The following KANK1 variants were observed in gnomAD, a reference collection of about 807,000 sequenced individuals.
KANK1 encodes KN motif and ankyrin repeat domains 1, also known as KN motif and ankyrin repeat domain-containing protein 1.
KANK1 carries 109 observed loss-of-function variants against 106.2 expected under a neutral mutation model. That is an observed-to-expected ratio of 1.03 (90% CI 0.88 to 1.20). The LOEUF (loss-of-function observed/expected upper bound fraction) is 1.20, where lower values mean the gene tolerates loss of function less well. Among genes scored for constraint, KANK1 ranks in the 50% most tolerant of loss-of-function variants. KANK1 has a pLI of 0.00. For synonymous variants in KANK1, 873 were observed against 652.2 expected (o/e 1.34, Z -5.16); for missense variants, 2,399 against 1,710.7 (o/e 1.40, Z -7.10).
At chr9:640,189 A>G (rs1838082998) in intron 1 of KANK1, among the ~76,000 whole-genome samples, 1 of 152,170 alleles carries the variant, frequency 6.6e-6, no homozygotes, top group South Asian at 2.1e-4. Context: ...CTGCTCAGGC[A>G]GGGGTAGTCC....
intron 1 of KANK1, among the ~76,000 whole-genome samples, chr9:543,679 T>G (rs1479804345): frequency 6.6e-6 from 1 of 152,076 alleles, no homozygotes; most frequent in Non-Finnish European, 1.5e-5. Flanking sequence ...CACCAGAAAA[T>G]GACCATTGTG....
At chr9:517,805 C>G (rs1274764619) in intron 1 of KANK1, among the ~76,000 whole-genome samples, 2 of 146,160 alleles carry the variant, frequency 1.4e-5, no homozygotes, top group Non-Finnish European at 3.0e-5. Context: ...GTGGCGTGAT[C>G]TCGGCTCACT....
chr9:510,504 C>G (rs1213818407), intron 1 of KANK1, among the ~76,000 whole-genome samples: 3 of 152,116 alleles, frequency 2.0e-5, no homozygotes, highest in South Asian at 2.1e-4. Flanking sequence ...GCTGCTTCCC[C>G]CAAAAGTAAG....
chr9:530,593 A>G (rs1036450277), intron 1 of KANK1, among the ~76,000 whole-genome samples: 1 of 152,212 alleles, frequency 6.6e-6, no homozygotes, highest in Non-Finnish European at 1.5e-5. Flanking sequence ...TAGTTGTGAC[A>G]CTATTCTAAT....
intron 1 of KANK1, among the ~76,000 whole-genome samples, chr9:507,341 C>T (rs1159500868): frequency 1.3e-5 from 2 of 151,942 alleles, no homozygotes; most frequent in African/African-American, 4.8e-5. Context: ...GATGACCGAG[C>T]AATATCCTCT....
chr9:589,483 A>C (rs192734699), intron 1 of KANK1, among the ~76,000 whole-genome samples: 2 of 152,020 alleles, frequency 1.3e-5, no homozygotes, highest in Non-Finnish European at 2.9e-5. Context: ...GGAAACTTAG[A>C]TATACTAAAA....
intron 1 of KANK1, among the ~76,000 whole-genome samples, chr9:557,057 C>G (rs139960642): frequency 3.9e-4 from 59 of 152,088 alleles, no homozygotes; most frequent in Non-Finnish European, 6.8e-4. Flanking sequence ...GTGGCTCATG[C>G]CTGCAATCCT....
intron 1 of KANK1, among the ~76,000 whole-genome samples, chr9:510,579 C>T (rs1194794952): frequency 6.6e-6 from 1 of 152,216 alleles, no homozygotes; most frequent in Non-Finnish European, 1.5e-5. Flanking sequence ...TAAAGAGACA[C>T]TGAGCCTTCT....
At chr9:529,061 A>C (rs1587538420) in intron 1 of KANK1, among the ~76,000 whole-genome samples, 1 of 152,112 alleles carries the variant, frequency 6.6e-6, no homozygotes, top group East Asian at 1.9e-4. Context: ...GGCCTCCCAG[A>C]GTGCTGGGGT....
intron 1 of KANK1, among the ~76,000 whole-genome samples, chr9:572,994 G>T (rs1819602392): frequency 1.3e-5 from 2 of 152,138 alleles, no homozygotes; most frequent in South Asian, 4.1e-4. Flanking sequence ...TTAACCAAAA[G>T]TTCTCTTTTC....
At chr9:654,139 C>G (rs6477083) in intron 1 of KANK1, among the ~76,000 whole-genome samples, 58,628 of 151,756 alleles carry the variant, frequency 0.39, 14,670 homozygotes, top group African/African-American at 0.68. Context: ...AAAATGACCA[C>G]ATGCAGCAGT....
intron 1 of KANK1, among the ~76,000 whole-genome samples, chr9:657,387 C>T (rs1004767537): frequency 1.2e-4 from 17 of 145,686 alleles, no homozygotes; most frequent in African/African-American, 4.1e-4. Context: ...GGGCATATAC[C>T]CAGAAGTAGG....
At chr9:640,324 C>T (rs1260139723) in intron 1 of KANK1, among the ~76,000 whole-genome samples, 2 of 151,322 alleles carry the variant, frequency 1.3e-5, no homozygotes, top group Non-Finnish European at 3.0e-5. Context: ...CAGCCTCCAC[C>T]TCCTGGGTTC....
chr9:712,476 T>G lies in KANK1; in HGVS notation c.1710T>G (p.Ile570Met), dbSNP rs2130950439. 6.2e-7 allele frequency: 1 copy of G among 1,614,068 alleles called. No individual in the cohort carries two copies. ...VGPELPMNWW[I>M]VKERVEMHDR... The stretch of plus-strand genomic sequence containing the variant: ...CTGAGCTGCCTATGAATTGGTGGAT[T>G]GTTAAGGAGAGGGTGGAAATGCATG... The change falls in exon 3 of 12, where the codon ATT (isoleucine) becomes ATG (methionine). Residue 570 changes from isoleucine (I) to methionine (M), a missense_variant. Coordinates refer to ENST00000382297, the MANE Select transcript of KANK1 (RefSeq NM_015158.5).
chr9:506,056 A>G (rs1459764187), intron 1 of KANK1, among the ~76,000 whole-genome samples: 1 of 152,240 alleles, frequency 6.6e-6, no homozygotes, highest in Non-Finnish European at 1.5e-5. Flanking sequence ...TTCTAAGGTC[A>G]AAATTCAGTG....
intron 1 of KANK1, among the ~76,000 whole-genome samples, chr9:605,658 G>C (rs1828916571): frequency 1.3e-5 from 2 of 151,780 alleles, no homozygotes; most frequent in Non-Finnish European, 1.5e-5. Context: ...GAATGGCTGT[G>C]AGTGCCATGC....
chr9:515,584 G>T (rs72705663), intron 1 of KANK1, among the ~76,000 whole-genome samples: 14,809 of 151,720 alleles, frequency 0.098, 1,122 homozygotes, highest in South Asian at 0.21. Context: ...TGCTCATACT[G>T]TATTACTCTT....
At chr9:609,109 G>T (rs1374492992) in intron 1 of KANK1, among the ~76,000 whole-genome samples, 2 of 150,352 alleles carry the variant, frequency 1.3e-5, no homozygotes, top group African/African-American at 5.0e-5. Context: ...CCTTCAGAAA[G>T]CTGGCTGAAA....
At chr9:613,747 C>G (rs994976974) in intron 1 of KANK1, among the ~76,000 whole-genome samples, 35 of 152,096 alleles carry the variant, frequency 2.3e-4, no homozygotes, top group Non-Finnish European at 4.6e-4. Context: ...TTGAACTTTA[C>G]TTTAAAAATA....
Sources: allele counts gnomAD v4.1 joint callset (sites outside exome capture counted in the v4.1 genomes callset), GRCh38; gene constraint gnomAD v4.1.1; transcripts MANE v1.5; gene names NCBI Gene and HGNC (gene_info 2026-07-23, HGNC 2026-07-21).